Variants in ELF1 observed in about 807,000 individuals in gnomAD.
ELF1 encodes the protein E74 like ETS transcription factor 1.
Under a neutral mutation model 59.9 loss-of-function variants are expected in ELF1, and 24 were observed. The ratio of observed to expected loss-of-function variants is 0.40; its 90% confidence interval spans 0.29 to 0.56. The LOEUF (loss-of-function observed/expected upper bound fraction) is 0.56. ELF1 is among the 20% of genes least tolerant of loss of function. The pLI, the probability that ELF1 is intolerant of heterozygous loss-of-function variation, is 0.44. For missense variants in ELF1, 627 were observed against 742.2 expected, an observed-to-expected ratio of 0.84 and a Z score of 1.80; for synonymous variants, 248 against 266.2, an observed-to-expected ratio of 0.93 and a Z score of 0.67.
intron 2 of ELF1, among the ~76,000 whole-genome samples, chr13:40,969,012 G>A (rs765579662): frequency 1.3e-4 from 20 of 152,062 alleles, no homozygotes; most frequent in Non-Finnish European, 2.6e-4. Context: ...GAGCCATTGC[G>A]CCCAGGGACC....
intron 1 of ELF1, among the ~76,000 whole-genome samples, chr13:41,016,268 TGAGTTA>T (rs1487204144): frequency 4.6e-5 from 7 of 152,204 alleles, no homozygotes; most frequent in Admixed American, 4.6e-4. Flanking sequence ...CGCACCGAAT[TGAGTTA>T]GGGCACTCAG....
At chr13:40,978,239 G>A (rs530326749) in intron 2 of ELF1, among the ~76,000 whole-genome samples, 6 of 152,092 alleles carry the variant, frequency 3.9e-5, no homozygotes, top group East Asian at 1.9e-4. Flanking sequence ...TTAGCTGGGC[G>A]TGGTGGTGCG....
upstream of ELF1, chr13:41,019,440 T>TA (rs1286161063): frequency 3.1e-6 from 3 of 980,402 alleles, no homozygotes; most frequent in Admixed American, 1.8e-4. Context: ...AATCTGCAGG[T>TA]AAAAACGGTA....
intron 1 of ELF1, among the ~76,000 whole-genome samples, chr13:41,018,684 A>G (rs1875557937): frequency 6.6e-6 from 1 of 152,156 alleles, no homozygotes; most frequent in Admixed American, 6.5e-5. Context: ...AACATTTAAT[A>G]TAATTTCATT....
intron 1 of ELF1, among the ~76,000 whole-genome samples, chr13:40,996,171 A>G (rs1874116836): frequency 6.6e-6 from 1 of 152,212 alleles, no homozygotes; most frequent in African/African-American, 2.4e-5. Context: ...GACAACACCA[A>G]AAGCAGGCAA....
At chr13:40,960,871 A>C (rs896895141) in intron 2 of ELF1, among the ~76,000 whole-genome samples, 2 of 152,180 alleles carry the variant, frequency 1.3e-5, no homozygotes, top group Non-Finnish European at 2.9e-5. Context: ...CTCTATAAAG[A>C]ATCTTCTCTT....
intron 5 of ELF1, among the ~76,000 whole-genome samples, chr13:40,948,851 C>T (rs866247125): frequency 2.0e-5 from 3 of 152,128 alleles, no homozygotes; most frequent in African/African-American, 7.2e-5. Context: ...CAAACAATAA[C>T]CCCTGGGAAG....
intron 1 of ELF1, 28 bp downstream of exon 1, chr13:41,019,200 G>A: frequency 1.0e-6 from 1 of 985,382 alleles, no homozygotes; most frequent in Non-Finnish European, 1.2e-6. Context: ...AAAGCCAGAA[G>A]CAAACATACA....
rs771375146 is a variant in ELF1, at chr13:40,981,980, T to A, written c.72+3A>T. ...AAAATGAAATTTTCTCTGAATCTCATACCTGTCGTTCATCCTCCATGACGT... is the reference window on the plus strand; with the variant it reads ...AAAATGAAATTTTCTCTGAATCTCAAACCTGTCGTTCATCCTCCATGACGT... On this transcript the variant is annotated splice_donor_region_variant and intron_variant, in intron 2 of 8. Transcript: ENST00000239882. 13 of 1,605,216 alleles carry A rather than the reference T, an allele frequency of 8.1e-6. No homozygotes were observed. The South Asian group carries it at 1.3e-4, about 17-fold the overall frequency.
intron 1 of ELF1, among the ~76,000 whole-genome samples, chr13:41,007,111 G>A (rs1230917422): frequency 6.6e-6 from 1 of 151,972 alleles, no homozygotes; most frequent in Non-Finnish European, 1.5e-5. Flanking sequence ...TATCTCGGAT[G>A]CACAAAGCAT....
At chr13:41,054,028 G>A (rs1877197117) in intron 1 of ELF1, among the ~76,000 whole-genome samples, 1 of 151,970 alleles carries the variant, frequency 6.6e-6, no homozygotes, top group Admixed American at 6.6e-5. Context: ...AACTCTCAAG[G>A]ATAATACCAT....
chr13:40,959,458 T>G (rs1871675387), intron 2 of ELF1, among the ~76,000 whole-genome samples: 1 of 152,104 alleles, frequency 6.6e-6, no homozygotes, highest in Non-Finnish European at 1.5e-5. Flanking sequence ...ATCGCACCAC[T>G]GCACTCCAGC....
chr13:41,048,425 A>C (rs1876950640), intron 1 of ELF1, among the ~76,000 whole-genome samples: 2 of 152,122 alleles, frequency 1.3e-5, no homozygotes, highest in South Asian at 4.1e-4. Flanking sequence ...AACTGCCTAC[A>C]GTCTTTTCTT....
rs192988432 is a variant in ELF1 at position 40,959,546 on chromosome 13, C to T, written c.73-530G>A. 3.5e-3 allele frequency among the ~76,000 whole-genome samples: 526 copies of T among 152,048 alleles called. 2 individuals are homozygous for T. Among genetic ancestry groups the T allele is most frequent in the Middle Eastern group, 0.014 (4 of 294 alleles). On this transcript the variant is annotated intron_variant, in intron 2 of 8. Transcript: ENST00000239882. ...TAATAAGATGCCATTAATGCATAAG[C>T]ATGAACCAAGAAGTGACATACAAAT...
At chr13:41,002,122 G>T (rs1566186005) in intron 1 of ELF1, among the ~76,000 whole-genome samples, 1 of 152,024 alleles carries the variant, frequency 6.6e-6, no homozygotes, top group Non-Finnish European at 1.5e-5. Flanking sequence ...GGGGGAAATA[G>T]GTACAGATAA....
chr13:40,949,384 G>A (rs1041706400), intron 5 of ELF1, among the ~76,000 whole-genome samples: 2 of 151,776 alleles, frequency 1.3e-5, no homozygotes, highest in Middle Eastern at 3.5e-3. Flanking sequence ...TAGAGATAGG[G>A]TCTCAGTCTG....
rs185466963 is a variant in ELF1, at chr13:41,037,122, A to T, written c.-229+23716T>A. On this transcript the variant is annotated intron_variant, in intron 1 of 1. Coordinates refer to the ELF1 transcript ENST00000405737. ...GTATAATAAAATATATATATATATT[A>T]AAAAAAACCTTAAAAGTATTTTAGA... is the stretch of plus-strand genomic sequence containing the variant. 2.0e-3 allele frequency among the ~76,000 whole-genome samples: 299 copies of T among 151,720 alleles called. 7 individuals carry two copies. The East Asian group carries it at 0.042, about 21-fold the overall frequency.
At chr13:41,045,268 G>C (rs567893823) in intron 1 of ELF1, among the ~76,000 whole-genome samples, 23 of 147,020 alleles carry the variant, frequency 1.6e-4, no homozygotes, top group Non-Finnish European at 3.1e-4. Context: ...CTGATTTTTT[G>C]AAGGGTTTTT....
At chr13:40,940,515 C>T (rs1359627196) in intron 8 of ELF1, among the ~76,000 whole-genome samples, 1 of 150,170 alleles carries the variant, frequency 6.7e-6, no homozygotes, top group Non-Finnish European at 1.5e-5. Context: ...AAGATAGGAT[C>T]TTCCAAGGAA....
Sources: gnomAD v4.1 joint callset for allele counts (sites outside exome capture counted in the v4.1 genomes callset) on GRCh38, gnomAD v4.1.1 for gene constraint, MANE v1.5 for transcripts, NCBI Gene and HGNC (gene_info 2026-07-23, HGNC 2026-07-21) for gene names.